ZKSCAN8: variants seen among roughly 807,000 people sequenced by gnomAD.
ZKSCAN8 encodes zinc finger with KRAB and SCAN domains 8, also known as zinc finger protein with KRAB and SCAN domains 8.
ZKSCAN8 carries 27 observed loss-of-function variants against 57.2 expected under a neutral mutation model. The observed-to-expected ratio is 0.47, with a 90% CI of 0.35 to 0.65. ZKSCAN8 has a LOEUF of 0.65. Ranked by LOEUF, ZKSCAN8 falls within the 30% of genes least tolerant of loss-of-function variation. ZKSCAN8 has a pLI of 0.01. For synonymous variants in ZKSCAN8, 214 were observed against 248.7 expected, an observed-to-expected ratio of 0.86 and a Z score of 1.31; for missense variants, 597 against 696.3, an observed-to-expected ratio of 0.86 and a Z score of 1.60.
chr6:28,154,047 T>C lies in ZKSCAN8; in HGVS notation c.*30T>C. 4 of 1,549,734 alleles carry C rather than the reference T, an allele frequency of 2.6e-6. No homozygotes were observed. Among genetic ancestry groups the C allele is most frequent in the Non-Finnish European group, 3.5e-6 (4 of 1,153,892 alleles). On this transcript the variant is annotated 3_prime_UTR_variant, in exon 6 of 6. Coordinates refer to ENST00000330236, the MANE Select transcript of ZKSCAN8 (RefSeq NM_006298.4). ...AACATCAGTTAGAGTTTGAGCATTA[T>C]TCAGCATTAGGGAAACCACACACTG... is the stretch of plus-strand genomic sequence containing the variant.
At chr6:28,149,369 C>T in intron 2 of ZKSCAN8, 114 bp from the exon 3 acceptor site, 1 of 1,344,976 alleles carries the variant, frequency 7.4e-7, no homozygotes, top group Non-Finnish European at 1.0e-6. Context: ...GAGGAAGATT[C>T]TGCTGCTTCC....
At position 28,153,828 on chromosome 6, in the gene ZKSCAN8, A is replaced by G. The variant is rs774212436; in HGVS notation, c.1548A>G (p.Arg516=). Residue 516 remains arginine (R), a synonymous_variant, in exon 6 of 6, where the codon AGA becomes AGG. Coordinates refer to ENST00000330236, the MANE Select transcript of ZKSCAN8 (RefSeq NM_006298.4). ...IEHQRIHTGE[R]PYKCKECGKA... Reference sequence around the variant, plus strand: ...ATCAGAGAATCCACACTGGAGAAAGACCCTATAAATGTAAAGAATGTGGGA... The same window carrying G: ...ATCAGAGAATCCACACTGGAGAAAGGCCCTATAAATGTAAAGAATGTGGGA... 6.2e-6 allele frequency: 10 copies of G among 1,613,938 alleles called. No homozygotes were observed. Among genetic ancestry groups the G allele is most frequent in the Non-Finnish European group, 8.5e-6 (10 of 1,180,004 alleles).
intron 3 of ZKSCAN8, among the ~76,000 whole-genome samples, chr6:28,150,673 A>AACTCTGTCATTCCT: frequency 6.6e-6 from 1 of 152,318 alleles, no homozygotes; most frequent in East Asian, 1.9e-4. Context: ...GTGATTTTCT[A>AACTCTGTCATTCCT]ACTCTGTCAT....
rs747911812 is a variant in ZKSCAN8, at chr6:28,154,148, A to T, written c.*131A>T. The stretch of plus-strand genomic sequence containing the variant: ...GTGTCAGAATCTATAGTGGTGGCAA[A>T]GTTAGGATAGCTCTTTAGTAATTTG... On this transcript the variant is annotated 3_prime_UTR_variant, in exon 6 of 6. Coordinates refer to ENST00000330236, the MANE Select transcript of ZKSCAN8 (RefSeq NM_006298.4). 1.5e-6 allele frequency: 2 copies of T among 1,348,042 alleles called. No individual in the cohort carries two copies. Among genetic ancestry groups the T allele is most frequent in the East Asian group, 4.7e-5 (2 of 42,496 alleles). 83.5% of individuals were successfully genotyped at this position (1,348,042 alleles called of 1,614,324 possible). A position where few individuals can be genotyped will look rare whatever the true frequency, so the allele number is the denominator to read the frequency against.
rs1765782842 is a variant in ZKSCAN8 at position 28,156,344 on chromosome 6, T to G, written c.*2327T>G. On this transcript the variant is annotated 3_prime_UTR_variant, in exon 6 of 6. Transcript: ENST00000330236. ...GTATACAGATGTACTAGCTAAAGTC[T>G]CTTTATGTGTCAGTATTAAGAGTAA... 3.0e-5 allele frequency: 12 copies of G among 396,656 alleles called. No individual in the cohort carries two copies. The highest frequency in any genetic ancestry group is 4.9e-5 in the Non-Finnish European group (11 of 225,084). 24.6% of individuals were successfully genotyped at this position (396,656 alleles called of 1,614,324 possible).
Position 28,155,368 on chromosome 6 carries a change from T to TA in ZKSCAN8, c.*1352dup, listed in dbSNP as rs1225461156. On this transcript the variant is annotated 3_prime_UTR_variant, in exon 6 of 6. Coordinates refer to ENST00000330236, the MANE Select transcript of ZKSCAN8 (RefSeq NM_006298.4). ...TGGTTTAAAGTAACATGCCAGAACTTACGCATCCAATGTGGGTTGTCACTT... is the reference window on the plus strand; with the variant it reads ...TGGTTTAAAGTAACATGCCAGAACTTAACGCATCCAATGTGGGTTGTCACTT... 1.3e-5 allele frequency: 2 copies of TA among 152,214 alleles called. No homozygotes were observed. Among genetic ancestry groups the TA allele is most frequent in the Non-Finnish European group, 2.9e-5 (2 of 68,026 alleles). 9.4% of individuals were successfully genotyped at this position (152,214 alleles called of 1,614,324 possible).
Position 28,154,069 on chromosome 6 carries a change from A to C in ZKSCAN8, c.*52A>C, listed in dbSNP as rs757502800. 6.6e-7 allele frequency: 1 copy of C among 1,524,172 alleles called. No individual in the cohort carries two copies. Among genetic ancestry groups the C allele is most frequent in the Non-Finnish European group, 8.7e-7 (1 of 1,143,674 alleles). 94.4% of individuals were successfully genotyped at this position (1,524,172 alleles called of 1,614,324 possible). ...TTATTCAGCATTAGGGAAACCACACACTGGTGAGAGGTCTTTCAGTGTACT... is the reference window on the plus strand; with the variant it reads ...TTATTCAGCATTAGGGAAACCACACCCTGGTGAGAGGTCTTTCAGTGTACT... On this transcript the variant is annotated 3_prime_UTR_variant, in exon 6 of 6. Transcript: ENST00000330236.
At chr6:28,145,741 C>T (rs1270284801) in intron 1 of ZKSCAN8, among the ~76,000 whole-genome samples, 2 of 152,070 alleles carry the variant, frequency 1.3e-5, no homozygotes, top group Non-Finnish European at 2.9e-5. Flanking sequence ...TCTCATTCAT[C>T]TGTGTGTGTG....
chr6:28,149,708 C>T lies in ZKSCAN8; in HGVS notation c.559+84C>T. 6.0e-6 allele frequency: 9 copies of T among 1,502,132 alleles called. No individual in the cohort carries two copies. In the South Asian group the frequency reaches 1.0e-4, roughly 17 times the overall value. 93.1% of individuals were successfully genotyped at this position (1,502,132 alleles called of 1,614,324 possible). A position where few individuals can be genotyped will look rare whatever the true frequency, so the allele number is the denominator to read the frequency against. The stretch of plus-strand genomic sequence containing the variant: ...GGATACCTATCTAGTTCCTGAAGAA[C>T]CAGGAACTAAAATCCTGTTTACAGA... On this transcript the variant is annotated intron_variant, in intron 3 of 5. Transcript: ENST00000330236.
chr6:28,144,798 C>T lies in ZKSCAN8; in HGVS notation c.-93+2769C>T, dbSNP rs573449171. Among the ~76,000 whole-genome samples the T allele has an allele frequency of 6.6e-6, 1 of 152,328 alleles. No individual in the cohort carries two copies. The highest frequency in any genetic ancestry group is 2.4e-5 in the African/African-American group (1 of 41,580). On this transcript the variant is annotated intron_variant, in intron 1 of 5. Transcript: ENST00000330236. The surrounding 1 kb of genome is among the most constrained non-coding windows in gnomAD (Gnocchi z 4.5). Reference sequence around the variant, plus strand: ...TTAGGCCGGGCACAGTGGCTTACGCCTGTAATCCCAGCACTTTGGGAGGCC... The same window carrying T: ...TTAGGCCGGGCACAGTGGCTTACGCTTGTAATCCCAGCACTTTGGGAGGCC...
In ZKSCAN8 at chr6:28,157,093, T is replaced by C. The variant is rs770167476; in HGVS notation, c.*3076T>C. The C allele has an allele frequency of 1.3e-5, 2 of 152,540 alleles. No individual in the cohort carries two copies. Among genetic ancestry groups the C allele is most frequent in the Non-Finnish European group, 2.9e-5 (2 of 68,310 alleles). The allele number at this position is 152,540 out of a possible 1,614,324, so 9.4% of individuals were successfully genotyped here. ...TAATTTATAAAGGAAAGAGGTTTAA[T>C]GGACTCAGTTCCACATGGCTGGGGA... is the stretch of plus-strand genomic sequence containing the variant. On this transcript the variant is annotated 3_prime_UTR_variant, in exon 6 of 6. Transcript: ENST00000330236.
chr6:28,149,489 G>A lies in ZKSCAN8; in HGVS notation c.424G>A (p.Ala142Thr). The change falls in exon 3 of 6, where the codon GCT becomes ACT. Residue 142 changes from alanine (A) to threonine (T), a missense_variant. Coordinates refer to ENST00000330236, the MANE Select transcript of ZKSCAN8 (RefSeq NM_006298.4). ...QIDILGRPVS[A>T]RVHGHRVLWE... ...AACTGTCTGTTGTTTCCAGGTCTCA[G>A]CTCGCGTACATGGACATAGGGTACT... The A allele has an allele frequency of 6.2e-7, 1 of 1,613,704 alleles. No individual in the cohort carries two copies. Among genetic ancestry groups the A allele is most frequent in the Non-Finnish European group, 8.5e-7 (1 of 1,179,886 alleles).
At position 28,144,957 on chromosome 6, in the gene ZKSCAN8, C is replaced by T. The variant is rs942618353; in HGVS notation, c.-93+2928C>T. 2.6e-5 allele frequency among the ~76,000 whole-genome samples: 4 copies of T among 151,836 alleles called. No individual in the cohort carries two copies. The highest frequency in any genetic ancestry group is 7.3e-5 in the African/African-American group (3 of 41,306). ...CTGTAGTCCCAGCTACTCGGGAGGC[C>T]GAGGCAGGAGAATGGCGTGAACCCG... On this transcript the variant is annotated intron_variant, in intron 1 of 5. Coordinates refer to ENST00000330236, the MANE Select transcript of ZKSCAN8 (RefSeq NM_006298.4). The surrounding 1 kb of genome is among the most constrained non-coding windows in gnomAD (Gnocchi z 4.5).
chr6:28,152,424 T>C (rs756491118), intron 5 of ZKSCAN8, 40 bp downstream of exon 5: 1 of 1,566,132 alleles, frequency 6.4e-7, no homozygotes, highest in South Asian at 1.2e-5. Context: ...TTTAGATTTT[T>C]TGTTTGTTTG....
At chr6:28,143,726 A>G (rs1765295801) in intron 1 of ZKSCAN8, among the ~76,000 whole-genome samples, 1 of 152,208 alleles carries the variant, frequency 6.6e-6, no homozygotes, top group African/African-American at 2.4e-5. Context: ...ATCACATTCT[A>G]AACAGAATTT....
chr6:28,152,383 G>A lies in ZKSCAN8; in HGVS notation c.774G>A (p.Leu258=), dbSNP rs1341722332. 1 of 1,605,644 alleles carries A rather than the reference G, an allele frequency of 6.2e-7. No homozygotes were observed. The highest frequency in any genetic ancestry group is 8.5e-7 in the Non-Finnish European group (1 of 1,177,650). The change falls in exon 5 of 6, where the codon CTG becomes CTA. Residue 258 remains leucine, a splice_region_variant and synonymous_variant. Coordinates refer to ENST00000330236, the MANE Select transcript of ZKSCAN8 (RefSeq NM_006298.4). ...RPENFRNMFS[L]GGETRSENRE... ...AAAATTTCAGAAACATGTTCTCCCT[G>A]GGTAAGGAGAGGTGTGGTTATTATT...
chr6:28,148,817 G>A lies in ZKSCAN8; in HGVS notation c.410G>A (p.Gly137Glu). 6.2e-7 allele frequency: 1 copy of A among 1,612,164 alleles called. No individual in the cohort carries two copies. Among genetic ancestry groups the A allele is most frequent in the African/African-American group, 1.3e-5 (1 of 75,010 alleles). ...TTGGAAAGGCAGATTGATATACTAG[G>A]ACGACCAGTAAGTAGAAGGAGGTAT... is the stretch of plus-strand genomic sequence containing the variant. ...EDLERQIDILGRPVSARVHGH... is the reference protein window; with the variant it reads ...EDLERQIDILERPVSARVHGH... Residue 137 changes from glycine to glutamate, a missense_variant, in exon 2 of 6, where the codon GGA becomes GAA. Transcript: ENST00000330236.
chr6:28,144,056 TA>T lies in ZKSCAN8; in HGVS notation c.-93+2028del, dbSNP rs558445665. On this transcript the variant is annotated intron_variant, in intron 1 of 5. Coordinates refer to ENST00000330236, the MANE Select transcript of ZKSCAN8 (RefSeq NM_006298.4). The surrounding 1 kb of genome is among the most constrained non-coding windows in gnomAD (Gnocchi z 4.5). ...GAACTATACCCCCAATGTTAATTGA[TA>T]TATTTAACCATATCTTTTGCTCCTT... Among the ~76,000 whole-genome samples, 24 of 152,338 alleles carry T rather than the reference TA, an allele frequency of 1.6e-4. No individual in the cohort carries two copies. The South Asian group carries it at 4.4e-3, about 28-fold the overall frequency.
Position 28,144,159 on chromosome 6 carries a change from CCCTTT to C in ZKSCAN8, c.-93+2132_-93+2136del. Among the ~76,000 whole-genome samples, 1 of 152,138 alleles carries C rather than the reference CCCTTT, an allele frequency of 6.6e-6. No homozygotes were observed. The highest frequency in any genetic ancestry group is 1.9e-4 in the East Asian group (1 of 5,192). On this transcript the variant is annotated intron_variant, in intron 1 of 5. Transcript: ENST00000330236. This position sits in a 1 kb window ranked among gnomAD's most constrained non-coding sequence, Gnocchi z 4.5. Reference sequence around the variant, plus strand: ...TAACTTGAAAAATAATTTTCAAATTCCCTTTCTTTTCTGTACACACTCTCTATGTA... The same window carrying C: ...TAACTTGAAAAATAATTTTCAAATTCCTTTTCTGTACACACTCTCTATGTA...
Sources: gnomAD v4.1 joint callset for allele counts (sites outside exome capture counted in the v4.1 genomes callset) on GRCh38, gnomAD v4.1.1 for gene constraint, Gnocchi (gnomAD v3.1) non-coding constraint, MANE v1.5 for transcripts, NCBI Gene and HGNC (gene_info 2026-07-23, HGNC 2026-07-21) for gene names.